The following TMEM178B variants were observed in gnomAD, a reference collection of about 807,000 sequenced individuals.
The protein encoded by TMEM178B is transmembrane protein 178B.
In TMEM178B, 5 loss-of-function variants were observed where a neutral mutation model predicts 31.0. The ratio of observed to expected loss-of-function variants is 0.16; its 90% confidence interval spans 0.08 to 0.34. The LOEUF (loss-of-function observed/expected upper bound fraction) is 0.34, where lower values mean the gene tolerates loss of function less well. TMEM178B is among the 10% of genes least tolerant of loss of function. TMEM178B has a pLI of 1.00. For synonymous variants in TMEM178B, 164 were observed against 164.0 expected (o/e 1.00, Z 0.00); for missense variants, 275 against 400.3 (o/e 0.69, Z 2.67).
intron 1 of TMEM178B, among the ~76,000 whole-genome samples, chr7:141,155,032 G>A (rs977760759): frequency 6.6e-6 from 1 of 152,070 alleles, no homozygotes; most frequent in African/African-American, 2.4e-5. Flanking sequence ...ACCTCGCCCA[G>A]CTGTTGATTT....
intron 2 of TMEM178B, among the ~76,000 whole-genome samples, chr7:141,345,475 T>TATAGTACTACTC (rs1478496678): frequency 1.4e-4 from 22 of 152,232 alleles, no homozygotes; most frequent in African/African-American, 5.1e-4. Flanking sequence ...AGTCTCTTTC[T>TATAGTACTACTC]TTGCCAAGCT....
intron 1 of TMEM178B, among the ~76,000 whole-genome samples, chr7:141,088,335 GA>G: frequency 6.6e-6 from 1 of 152,028 alleles, no homozygotes; most frequent in Non-Finnish European, 1.5e-5. Context: ...TCCCCCTCCT[GA>G]GACTGCTCCT....
intron 1 of TMEM178B, among the ~76,000 whole-genome samples, chr7:141,172,407 A>G (rs1435530138): frequency 6.6e-6 from 1 of 152,170 alleles, no homozygotes; most frequent in Non-Finnish European, 1.5e-5. Context: ...ATGTAAGCTG[A>G]AAGTTATTCT....
chr7:141,211,823 T>C (rs1797057020), intron 1 of TMEM178B, among the ~76,000 whole-genome samples: 1 of 152,214 alleles, frequency 6.6e-6, no homozygotes, highest in Non-Finnish European at 1.5e-5. Context: ...AAATTCAGAT[T>C]GCCAGGCTCT....
At chr7:141,231,550 A>G (rs762498554) in intron 2 of TMEM178B, among the ~76,000 whole-genome samples, 2 of 152,170 alleles carry the variant, frequency 1.3e-5, no homozygotes, top group Non-Finnish European at 2.9e-5. Flanking sequence ...TTCTTTTTCT[A>G]TTTGACATGG....
intron 2 of TMEM178B, among the ~76,000 whole-genome samples, chr7:141,310,879 G>A (rs1444934021): frequency 1.3e-5 from 2 of 152,148 alleles, no homozygotes; most frequent in Non-Finnish European, 2.9e-5. Flanking sequence ...ATTCACAATA[G>A]CAAAGACATG....
At chr7:141,332,720 T>G (rs1404119544) in intron 2 of TMEM178B, among the ~76,000 whole-genome samples, 1 of 152,242 alleles carries the variant, frequency 6.6e-6, no homozygotes, top group Non-Finnish European at 1.5e-5. Context: ...TGCCTGCAAC[T>G]CTATTTCTCT....
chr7:141,354,167 G>C (rs1338764967), intron 2 of TMEM178B, among the ~76,000 whole-genome samples: 2 of 152,150 alleles, frequency 1.3e-5, no homozygotes, highest in African/African-American at 2.4e-5. Context: ...ACAGTTTATG[G>C]TCTGCAACTC....
chr7:141,243,149 C>T (rs1215067632), intron 2 of TMEM178B, among the ~76,000 whole-genome samples: 3 of 151,938 alleles, frequency 2.0e-5, no homozygotes, highest in Non-Finnish European at 4.4e-5. Context: ...GTCATGTGAC[C>T]CTGGCTTGAT....
At chr7:141,291,380 A>T (rs1563142839) in intron 2 of TMEM178B, among the ~76,000 whole-genome samples, 1 of 152,122 alleles carries the variant, frequency 6.6e-6, no homozygotes, top group East Asian at 1.9e-4. Flanking sequence ...ATCGTCTGTT[A>T]TTCTTAAGTA....
intron 1 of TMEM178B, among the ~76,000 whole-genome samples, chr7:141,097,955 CTAATTTTTGTATTTTTTGT>C (rs1317045306): frequency 6.6e-6 from 1 of 151,854 alleles, no homozygotes; most frequent in Non-Finnish European, 1.5e-5. Flanking sequence ...CCATGCCTGG[CTAATTTTTGTATTTTTTGT>C]AGAGATGGGG....
chr7:141,467,790 A>T (rs1024397888), intron 3 of TMEM178B, among the ~76,000 whole-genome samples: 1 of 152,140 alleles, frequency 6.6e-6, no homozygotes, highest in Non-Finnish European at 1.5e-5. Flanking sequence ...AATCTTACAC[A>T]TGTCCATACC....
In TMEM178B at chr7:141,338,400, G is replaced by A. The variant is rs561451005; in HGVS notation, c.497-99208G>A. On this transcript the variant is annotated intron_variant, in intron 2 of 3. Coordinates refer to ENST00000565468, the MANE Select transcript of TMEM178B (RefSeq NM_001195278.2). ...CTGTCAATCAAAGCAGCATATAAAA[G>A]CAATCTTTGGGGTTCGAGCTGGAGG... Among the ~76,000 whole-genome samples, 6 of 152,220 alleles carry A rather than the reference G, an allele frequency of 3.9e-5. No individual in the cohort carries two copies. The South Asian group carries it at 1.2e-3, about 32-fold the overall frequency.
At chr7:141,199,919 C>T (rs976550647) in intron 1 of TMEM178B, among the ~76,000 whole-genome samples, 6 of 151,990 alleles carry the variant, frequency 3.9e-5, no homozygotes, top group South Asian at 2.1e-4. Context: ...GGCGTAGTGG[C>T]GGGTGCCTAT....
chr7:141,306,162 T>C (rs894730318), intron 2 of TMEM178B, among the ~76,000 whole-genome samples: 1 of 152,234 alleles, frequency 6.6e-6, no homozygotes, highest in South Asian at 2.1e-4. Flanking sequence ...GTCATTCATA[T>C]AGCCTAGTCT....
chr7:141,232,506 CGG>C (rs987564954), intron 2 of TMEM178B, among the ~76,000 whole-genome samples: 2 of 152,110 alleles, frequency 1.3e-5, no homozygotes, highest in African/African-American at 4.8e-5. Flanking sequence ...ACCATTCTGA[CGG>C]GTGTGAGATG....
chr7:141,424,863 G>A (rs1166715075), intron 2 of TMEM178B, among the ~76,000 whole-genome samples: 3 of 152,136 alleles, frequency 2.0e-5, no homozygotes, highest in Non-Finnish European at 4.4e-5. Context: ...TTTAATAGCT[G>A]AATAATATTC....
At position 141,402,790 on chromosome 7, in the gene TMEM178B, C is replaced by T. The variant is rs146905352; in HGVS notation, c.497-34818C>T. 1.5e-3 allele frequency among the ~76,000 whole-genome samples: 227 copies of T among 152,350 alleles called. 2 individuals are homozygous for T. Among genetic ancestry groups the T allele is most frequent in the African/African-American group, 5.2e-3 (218 of 41,590 alleles). On this transcript the variant is annotated intron_variant, in intron 2 of 3. Coordinates refer to ENST00000565468, the MANE Select transcript of TMEM178B (RefSeq NM_001195278.2). ...CCAAGGTGAGGCCTGGGGCTGCCTG[C>T]GCACTGGAGGCCTGAGTGCTGACAG... is the stretch of plus-strand genomic sequence containing the variant.
rs1048270745 is a variant in TMEM178B, at chr7:141,074,228, C to A, written c.-83C>A. ...CTCCTGCCCCCTCCCCCAGCTCGGC[C>A]GCCCGCCGCTTTGTTCCGGGTGCGG... On this transcript the variant is annotated 5_prime_UTR_variant, in exon 1 of 4. Coordinates refer to ENST00000565468, the MANE Select transcript of TMEM178B (RefSeq NM_001195278.2). The surrounding 1 kb of genome is among the most constrained non-coding windows in gnomAD (Gnocchi z 5.1). 7 of 1,435,936 alleles carry A rather than the reference C, an allele frequency of 4.9e-6. No individual in the cohort carries two copies. In the African/African-American group the frequency reaches 1.0e-4, roughly 21 times the overall value. 88.9% of individuals were successfully genotyped at this position (1,435,936 alleles called of 1,614,324 possible).
Sources: allele counts gnomAD v4.1 joint callset (sites outside exome capture counted in the v4.1 genomes callset), GRCh38; gene constraint gnomAD v4.1.1; non-coding constraint Gnocchi (gnomAD v3.1); transcripts MANE v1.5; gene names NCBI Gene and HGNC (gene_info 2026-07-23, HGNC 2026-07-21).